Variants in MLIP observed in about 807,000 individuals in gnomAD.
MLIP encodes muscular LMNA interacting protein.
A neutral mutation model predicts 84.8 loss-of-function variants in MLIP; 79 were observed. The ratio of observed to expected loss-of-function variants is 0.93; its 90% CI spans 0.78 to 1.12. MLIP has a LOEUF of 1.12. Among genes scored for constraint, MLIP ranks in the 50% most tolerant of loss-of-function variants. The pLI, the probability that MLIP is intolerant of heterozygous loss-of-function variation, is 0.00. For synonymous variants in MLIP, 504 were observed against 463.0 expected (o/e 1.09, Z -1.14); for missense variants, 1,257 against 1,160.6 (o/e 1.08, Z -1.21).
chr6:54,121,695 A>T, intron 2 of MLIP, 93 bp downstream of exon 2: 1 of 986,568 alleles, frequency 1.0e-6, no homozygotes, highest in Non-Finnish European at 1.5e-6. Flanking sequence ...CCTGTGCTTA[A>T]ATTAAGGTGA....
chr6:54,051,463 A>C (rs1014233952), intron 1 of MLIP, among the ~76,000 whole-genome samples: 1 of 152,164 alleles, frequency 6.6e-6, no homozygotes, highest in African/African-American at 2.4e-5. Context: ...ATGTTGTCTG[A>C]AAAATGTACC....
chr6:54,245,414 T>TATGCC (rs947924034), intron 12 of MLIP, among the ~76,000 whole-genome samples: 20 of 152,154 alleles, frequency 1.3e-4, no homozygotes, highest in East Asian at 1.2e-3. Context: ...GCTACCCTTT[T>TATGCC]ATGCCCTTTA....
Position 54,121,437 on chromosome 6 carries a change from T to G in MLIP, c.97-10T>G. Reference sequence around the variant, plus strand: ...AAGGCTGAAAGTCTAATTAACTACATGTCTCATAGGTCTCTGCTGGTGGTT... The same window carrying G: ...AAGGCTGAAAGTCTAATTAACTACAGGTCTCATAGGTCTCTGCTGGTGGTT... On this transcript the variant is annotated splice_polypyrimidine_tract_variant and intron_variant, in intron 1 of 13. Coordinates refer to ENST00000502396, the MANE Select transcript of MLIP (RefSeq NM_001281747.2). 6.2e-7 allele frequency: 1 copy of G among 1,612,928 alleles called. No individual in the cohort carries two copies. Among genetic ancestry groups the G allele is most frequent in the Non-Finnish European group, 8.5e-7 (1 of 1,179,714 alleles).
chr6:54,159,074 G>A (rs528467246), intron 5 of MLIP, among the ~76,000 whole-genome samples: 7 of 151,956 alleles, frequency 4.6e-5, no homozygotes, highest in Non-Finnish European at 7.4e-5. Flanking sequence ...AACACATTCA[G>A]CTAATTTTTA....
chr6:54,132,971 A>G (rs1582229440), intron 3 of MLIP, among the ~76,000 whole-genome samples: 1 of 152,142 alleles, frequency 6.6e-6, no homozygotes, highest in African/African-American at 2.4e-5. Flanking sequence ...AGTTGCTGGG[A>G]TTGGTTTAAG....
chr6:54,228,246 T>TGGG (rs1780741241), intron 11 of MLIP, among the ~76,000 whole-genome samples: 3 of 138,340 alleles, frequency 2.2e-5, no homozygotes, highest in Non-Finnish European at 4.7e-5. Flanking sequence ...AGATCGAACA[T>TGGG]AGGAGAGAGA....
intron 1 of MLIP, among the ~76,000 whole-genome samples, chr6:54,037,974 A>G (rs1164535154): frequency 6.6e-6 from 1 of 151,930 alleles, no homozygotes; most frequent in African/African-American, 2.4e-5. Flanking sequence ...GAGATTAAAT[A>G]ACAAAATCGT....
At chr6:54,236,780 G>A (rs559048561) in intron 12 of MLIP, among the ~76,000 whole-genome samples, 3 of 152,218 alleles carry the variant, frequency 2.0e-5, no homozygotes, top group Non-Finnish European at 4.4e-5. Context: ...GAGAAAATAA[G>A]TATGTTAGGT....
At chr6:54,116,632 T>C (rs1366284303) in intron 1 of MLIP, among the ~76,000 whole-genome samples, 1 of 152,226 alleles carries the variant, frequency 6.6e-6, no homozygotes, top group Non-Finnish European at 1.5e-5. Flanking sequence ...GGCCCAGACC[T>C]GATGGCTTCA....
intron 5 of MLIP, among the ~76,000 whole-genome samples, chr6:54,152,017 A>T (rs1159502432): frequency 6.6e-6 from 1 of 152,122 alleles, no homozygotes; most frequent in Non-Finnish European, 1.5e-5. Flanking sequence ...CAAAATTTAA[A>T]TTTATATCTT....
intron 10 of MLIP, among the ~76,000 whole-genome samples, chr6:54,196,668 C>T (rs538242811): frequency 6.6e-6 from 1 of 152,178 alleles, no homozygotes; most frequent in African/African-American, 2.4e-5. Context: ...AGTCAGCACA[C>T]TGAGCTTCTG....
At chr6:54,093,201 A>G (rs1767973775) in intron 1 of MLIP, among the ~76,000 whole-genome samples, 1 of 152,132 alleles carries the variant, frequency 6.6e-6, no homozygotes, top group Admixed American at 6.6e-5. Flanking sequence ...TTAAAGCTGC[A>G]CAGAGCTCTC....
At chr6:54,177,484 C>T (rs944318422) in intron 9 of MLIP, among the ~76,000 whole-genome samples, 7 of 151,920 alleles carry the variant, frequency 4.6e-5, no homozygotes, top group Non-Finnish European at 8.8e-5. Context: ...AAATCAAAAC[C>T]GCAATGAGAT....
rs1764413456 is a variant in MLIP, at chr6:54,035,979, C to T, written c.63+16888C>T. ...GCAAAGATTTTAATTTCTCAGAGGT[C>T]CAGTTTACCATTTTTTTTCTTTTAC... On this transcript the variant is annotated intron_variant, in intron 1 of 12. Coordinates refer to the MLIP transcript ENST00000274897. Among the ~76,000 whole-genome samples the T allele has an allele frequency of 2.0e-5, 3 of 151,914 alleles. No homozygotes were observed. The South Asian group carries it at 6.2e-4, about 32-fold the overall frequency.
chr6:54,204,678 T>C (rs1055374309), intron 11 of MLIP, among the ~76,000 whole-genome samples: 1 of 152,244 alleles, frequency 6.6e-6, no homozygotes, highest in Admixed American at 6.5e-5. Context: ...CATTTTCAAG[T>C]GCAGAAAATT....
At chr6:54,216,279 A>G (rs1779848822) in intron 11 of MLIP, 2 of 985,306 alleles carry the variant, frequency 2.0e-6, no homozygotes, top group South Asian at 9.4e-5. Flanking sequence ...CATTATGAGC[A>G]ATTGTAGAAG....
chr6:54,030,565 C>T (rs929144980), intron 1 of MLIP: 1 of 130,312 alleles, frequency 7.7e-6, no homozygotes, highest in Non-Finnish European at 1.6e-5. Context: ...ACATTTTAAA[C>T]ACAGCAACTA....
intron 13 of MLIP, among the ~76,000 whole-genome samples, chr6:54,261,047 T>C (rs1472037351): frequency 6.6e-6 from 1 of 152,042 alleles, no homozygotes; most frequent in South Asian, 2.1e-4. Context: ...TTCACACCAA[T>C]GCAGTAATTT....
chr6:54,050,771 T>C (rs999833332), intron 1 of MLIP, among the ~76,000 whole-genome samples: 2 of 152,114 alleles, frequency 1.3e-5, no homozygotes, highest in African/African-American at 4.8e-5. Context: ...ATGGGCATCA[T>C]GGTATTATTC....
Sources: gnomAD v4.1 joint callset for allele counts (sites outside exome capture counted in the v4.1 genomes callset) on GRCh38, gnomAD v4.1.1 for gene constraint, MANE v1.5 for transcripts, NCBI Gene and HGNC (gene_info 2026-07-23, HGNC 2026-07-21) for gene names.